The following RBFOX1 variants were observed in gnomAD, a reference collection of about 807,000 sequenced individuals.
RBFOX1 encodes RNA binding protein fox-1 homolog 1.
In RBFOX1, 8 loss-of-function variants were observed where a neutral mutation model predicts 57.7. The observed-to-expected ratio is 0.14, with a 90% CI of 0.08 to 0.25. RBFOX1 has a LOEUF of 0.25. Ranked by LOEUF, RBFOX1 falls within the 10% of genes least tolerant of loss-of-function variation. The probability of loss-of-function intolerance (pLI) is 1.00; values close to 1 mark genes in which losing one functional copy is unlikely to be tolerated. For synonymous variants in RBFOX1, 326 were observed against 222.4 expected, an observed-to-expected ratio of 1.47 and a Z score of -4.15; for missense variants, 611 against 548.5, an observed-to-expected ratio of 1.11 and a Z score of -1.14.
intron 4 of RBFOX1, among the ~76,000 whole-genome samples, chr16:7,396,593 G>A (rs554965814): frequency 6.6e-6 from 1 of 152,182 alleles, no homozygotes; most frequent in Admixed American, 6.5e-5. Context: ...TTTAAGCTCA[G>A]TTTGTACCTT....
intron 2 of RBFOX1, among the ~76,000 whole-genome samples, chr16:6,586,510 A>G (rs944642775): frequency 6.6e-6 from 1 of 152,202 alleles, no homozygotes; most frequent in African/African-American, 2.4e-5. Context: ...AAGGAAAAAA[A>G]CAGTATTGTC....
At chr16:5,923,976 C>G (rs1041396189) in intron 4 of RBFOX1, among the ~76,000 whole-genome samples, 14 of 152,166 alleles carry the variant, frequency 9.2e-5, no homozygotes, top group African/African-American at 2.4e-4. Context: ...CCCATAATCT[C>G]CACGTGTCAA....
intron 1 of RBFOX1, among the ~76,000 whole-genome samples, chr16:6,140,117 A>G (rs946617377): frequency 6.6e-6 from 1 of 151,750 alleles, no homozygotes; most frequent in African/African-American, 2.4e-5. Context: ...GTCTTCTTAC[A>G]CCATCTTTGT....
In RBFOX1 at chr16:6,083,849, G is replaced by A. The variant is rs187012846; in HGVS notation, c.-127+63857G>A. Among the ~76,000 whole-genome samples the A allele has an allele frequency of 1.8e-4, 28 of 152,106 alleles. 1 individual carries two copies. The East Asian group carries it at 3.7e-3, about 20-fold the overall frequency. On this transcript the variant is annotated intron_variant, in intron 1 of 15. Coordinates refer to ENST00000550418, the MANE Select transcript of RBFOX1 (RefSeq NM_018723.4). ...CCACCTTCCCATCTTCTCTAACCCC[G>A]GGGGACACTGGCAATCTTTAAGCAG... is the stretch of plus-strand genomic sequence containing the variant.
At chr16:5,395,253 A>T (rs1426242363) in intron 1 of RBFOX1, among the ~76,000 whole-genome samples, 1 of 152,218 alleles carries the variant, frequency 6.6e-6, no homozygotes, top group African/African-American at 2.4e-5. Flanking sequence ...CTTGAAGGCC[A>T]GGCACAAAGG....
At chr16:6,082,347 ATTTTTT>A (rs71142677) in intron 1 of RBFOX1, among the ~76,000 whole-genome samples, 43 of 41,040 alleles carry the variant, frequency 1.0e-3, no homozygotes, top group African/African-American at 1.9e-3. Context: ...CACCTGGCTA[ATTTTTT>A]TTTTTTTTTT....
At chr16:7,368,137 C>T (rs750652243) in intron 4 of RBFOX1, among the ~76,000 whole-genome samples, 1 of 152,046 alleles carries the variant, frequency 6.6e-6, no homozygotes, top group Admixed American at 6.6e-5. Flanking sequence ...CATGGTGGCA[C>T]ACACCAGTAG....
intron 1 of RBFOX1, chr16:5,270,932 C>T (rs746107896): frequency 4.6e-5 from 18 of 391,128 alleles, no homozygotes; most frequent in Non-Finnish European, 8.6e-5. Flanking sequence ...GGGTATGAAC[C>T]ACTAGTCCAA....
chr16:6,940,412 T>A (rs1260281235), intron 3 of RBFOX1, among the ~76,000 whole-genome samples: 2 of 152,188 alleles, frequency 1.3e-5, no homozygotes, highest in African/African-American at 2.4e-5. Context: ...CAGGAGCAGC[T>A]AAAGCTCCTT....
intron 3 of RBFOX1, among the ~76,000 whole-genome samples, chr16:6,994,560 G>C (rs1229068904): frequency 6.6e-6 from 1 of 152,096 alleles, no homozygotes. Context: ...CCAAAACCTA[G>C]CTAAAATTTC....
intron 3 of RBFOX1, among the ~76,000 whole-genome samples, chr16:6,760,869 C>T (rs1567140472): frequency 6.6e-6 from 1 of 152,082 alleles, no homozygotes; most frequent in Non-Finnish European, 1.5e-5. Context: ...CTGGTCAATG[C>T]CACCCACCAG....
chr16:6,067,380 C>CA (rs1170184476), intron 1 of RBFOX1, among the ~76,000 whole-genome samples: 6 of 13,768 alleles, frequency 4.4e-4, no homozygotes, highest in East Asian at 2.8e-3. Flanking sequence ...AAAAACAAAC[C>CA]AACCAAACAA....
At chr16:6,631,445 G>C (rs944355881) in intron 2 of RBFOX1, among the ~76,000 whole-genome samples, 6 of 151,792 alleles carry the variant, frequency 4.0e-5, no homozygotes, top group Non-Finnish European at 8.8e-5. Context: ...CAGTGACAGA[G>C]TGAGCTGTGT....
At chr16:6,131,965 T>G (rs1265207280) in intron 1 of RBFOX1, among the ~76,000 whole-genome samples, 1 of 152,252 alleles carries the variant, frequency 6.6e-6, no homozygotes, top group Non-Finnish European at 1.5e-5. Context: ...TGCTTAAAAC[T>G]GATCTGCCTT....
intron 4 of RBFOX1, among the ~76,000 whole-genome samples, chr16:7,381,769 A>G (rs997575127): frequency 6.6e-6 from 1 of 152,128 alleles, no homozygotes; most frequent in Non-Finnish European, 1.5e-5. Flanking sequence ...TACTGAATTT[A>G]CTGTTTATAT....
At chr16:6,142,807 C>T (rs1404158349) in intron 1 of RBFOX1, among the ~76,000 whole-genome samples, 3 of 152,160 alleles carry the variant, frequency 2.0e-5, no homozygotes, top group Admixed American at 2.0e-4. Flanking sequence ...GAGATCTCCT[C>T]CTGTCCATCT....
intron 3 of RBFOX1, among the ~76,000 whole-genome samples, chr16:6,702,651 G>C (rs2062036486): frequency 6.6e-6 from 1 of 152,138 alleles, no homozygotes; most frequent in Non-Finnish European, 1.5e-5. Flanking sequence ...AAGATACCCA[G>C]CCCAGTGACT....
chr16:6,526,979 C>T (rs185464186), intron 2 of RBFOX1, among the ~76,000 whole-genome samples: 1 of 151,706 alleles, frequency 6.6e-6, no homozygotes, highest in African/African-American at 2.4e-5. Context: ...TGTGCATTCA[C>T]AGAAGAGAAA....
At chr16:5,984,039 C>T (rs1030748879) in intron 4 of RBFOX1, among the ~76,000 whole-genome samples, 1 of 128,880 alleles carries the variant, frequency 7.8e-6, no homozygotes, top group Non-Finnish European at 1.6e-5. Flanking sequence ...CTTCTTCTTC[C>T]TCCTCTTCTT....
Sources: allele counts gnomAD v4.1 joint callset (sites outside exome capture counted in the v4.1 genomes callset), GRCh38; gene constraint gnomAD v4.1.1; transcripts MANE v1.5; gene names NCBI Gene and HGNC (gene_info 2026-07-23, HGNC 2026-07-21).